NBAS: variants seen among roughly 807,000 people sequenced by gnomAD.
NBAS encodes NBAS subunit of NRZ tethering complex, also known as NAG/BC035112 fusion.
Under a neutral mutation model 302.5 loss-of-function variants are expected in NBAS, and 219 were observed. The ratio of observed to expected loss-of-function variants is 0.72; its 90% CI spans 0.65 to 0.81. The LOEUF is 0.81. NBAS is among the 30% of genes least tolerant of loss of function. The pLI is 0.00. For synonymous variants in NBAS, 1,118 were observed against 1,021.6 expected, an observed-to-expected ratio of 1.09 and a Z score of -1.80; for missense variants, 2,932 against 2,841.6, an observed-to-expected ratio of 1.03 and a Z score of -0.72.
the NBAS span, among the ~76,000 whole-genome samples, chr2:15,031,379 C>T: frequency 1.3e-5 from 2 of 152,188 alleles, no homozygotes; most frequent in African/African-American, 2.4e-5. Context: ...ATCCAAGTCC[C>T]AGTCAAACTG....
chr2:15,373,824 G>C (rs992513244), intron 31 of NBAS, among the ~76,000 whole-genome samples: 6 of 152,110 alleles, frequency 3.9e-5, no homozygotes, highest in African/African-American at 1.4e-4. Context: ...AATATTTCCA[G>C]ACTTAAGAAC....
At chr2:15,345,863 C>T (rs1237746682) in intron 35 of NBAS, among the ~76,000 whole-genome samples, 2 of 152,128 alleles carry the variant, frequency 1.3e-5, no homozygotes, top group Non-Finnish European at 2.9e-5. Context: ...GCATCTACAA[C>T]CATCTGATCT....
chr2:15,096,943 A>T, the NBAS span, among the ~76,000 whole-genome samples: 1 of 152,220 alleles, frequency 6.6e-6, no homozygotes. Flanking sequence ...CTGAAGCAAG[A>T]ATGTGGATGT....
the NBAS span, among the ~76,000 whole-genome samples, chr2:15,061,887 A>G: frequency 6.6e-6 from 1 of 152,368 alleles, no homozygotes; most frequent in Middle Eastern, 3.4e-3. Context: ...AAAGCATTAT[A>G]TCATTGAAGC....
At chr2:15,210,813 A>C (rs1232645343) in intron 48 of NBAS, among the ~76,000 whole-genome samples, 1 of 152,188 alleles carries the variant, frequency 6.6e-6, no homozygotes, top group Non-Finnish European at 1.5e-5. Flanking sequence ...AGATCCTGAG[A>C]TCTGCAACAA....
At chr2:15,385,422 GT>G (rs1305866277) in intron 28 of NBAS, among the ~76,000 whole-genome samples, 6 of 152,160 alleles carry the variant, frequency 3.9e-5, no homozygotes, top group African/African-American at 1.4e-4. Flanking sequence ...TGGTACTAAT[GT>G]TTTCTCGCAC....
intron 11 of NBAS, among the ~76,000 whole-genome samples, chr2:15,501,866 G>A (rs1226200829): frequency 2.0e-5 from 3 of 151,832 alleles, no homozygotes. Flanking sequence ...GGGCTTAAGT[G>A]ATCCTCCCAC....
intron 23 of NBAS, among the ~76,000 whole-genome samples, chr2:15,420,135 A>G (rs1241547176): frequency 6.6e-6 from 1 of 152,186 alleles, no homozygotes; most frequent in African/African-American, 2.4e-5. Flanking sequence ...GGCAATAGCA[A>G]TAATTAAGGG....
At chr2:15,298,930 G>T (rs1670673813) in intron 40 of NBAS, among the ~76,000 whole-genome samples, 1 of 152,108 alleles carries the variant, frequency 6.6e-6, no homozygotes, top group African/African-American at 2.4e-5. Flanking sequence ...AAGCCACCTG[G>T]CTTCCCACCC....
At chr2:15,481,971 G>A (rs1426871814) in intron 12 of NBAS, among the ~76,000 whole-genome samples, 2 of 152,204 alleles carry the variant, frequency 1.3e-5, no homozygotes, top group Non-Finnish European at 2.9e-5. Context: ...GGAGAGGAAT[G>A]TTATACAGAG....
At chr2:14,871,534 A>G in the NBAS span, among the ~76,000 whole-genome samples, 3 of 152,146 alleles carry the variant, frequency 2.0e-5, no homozygotes, top group Non-Finnish European at 4.4e-5. Flanking sequence ...GGATCAATAT[A>G]AAGTTATTTT....
chr2:15,322,585 A>T (rs1671862193), intron 38 of NBAS, among the ~76,000 whole-genome samples: 1 of 152,154 alleles, frequency 6.6e-6, no homozygotes, highest in South Asian at 2.1e-4. Flanking sequence ...CATTTTGCTA[A>T]ATAAATAATG....
the NBAS span, among the ~76,000 whole-genome samples, chr2:14,884,156 C>T: frequency 3.3e-5 from 5 of 152,074 alleles, no homozygotes; most frequent in East Asian, 9.7e-4. Context: ...AGGGATCCTT[C>T]TCATGATGGC....
intron 47 of NBAS, among the ~76,000 whole-genome samples, chr2:15,221,568 A>G (rs1666949530): frequency 6.6e-6 from 1 of 152,244 alleles, no homozygotes; most frequent in African/African-American, 2.4e-5. Context: ...ACTATTATCC[A>G]AATTACTAAT....
chr2:14,989,565 T>A, the NBAS span, among the ~76,000 whole-genome samples: 12 of 151,444 alleles, frequency 7.9e-5, no homozygotes, highest in Non-Finnish European at 1.8e-4. Flanking sequence ...CTCAAAAAAA[T>A]TAAAATTAAA....
the NBAS span, among the ~76,000 whole-genome samples, chr2:14,894,258 A>T: frequency 6.6e-6 from 1 of 152,184 alleles, no homozygotes; most frequent in Non-Finnish European, 1.5e-5. Flanking sequence ...AAAACAGGGG[A>T]TCCAACAGGC....
At chr2:15,027,425 A>G in the NBAS span, among the ~76,000 whole-genome samples, 1 of 127,918 alleles carries the variant, frequency 7.8e-6, no homozygotes, top group Non-Finnish European at 1.6e-5. Context: ...CAATATTGTA[A>G]ATAAATTTTT....
chr2:15,556,520 T>C (rs917361272), intron 3 of NBAS, among the ~76,000 whole-genome samples: 1 of 152,176 alleles, frequency 6.6e-6, no homozygotes, highest in South Asian at 2.1e-4. Context: ...ACATTCAAGA[T>C]AAGCCTGAGA....
intron 2 of NBAS, among the ~76,000 whole-genome samples, chr2:15,557,711 C>A (rs957355329): frequency 2.0e-5 from 3 of 152,092 alleles, no homozygotes; most frequent in African/African-American, 7.2e-5. Context: ...GAAAGACATG[C>A]AGTCAAATTC....
Sources: allele counts gnomAD v4.1 joint callset (sites outside exome capture counted in the v4.1 genomes callset), GRCh38; gene constraint gnomAD v4.1.1; transcripts MANE v1.5; gene names NCBI Gene and HGNC (gene_info 2026-07-23, HGNC 2026-07-21).